The following AUTS2 variants were observed in gnomAD, a reference collection of about 807,000 sequenced individuals.
AUTS2 encodes activator of transcription and developmental regulator AUTS2.
In AUTS2, 17 loss-of-function variants were observed where a neutral mutation model predicts 112.4. That is an observed-to-expected ratio of 0.15 (90% CI 0.10 to 0.23). The LOEUF (loss-of-function observed/expected upper bound fraction) is 0.23, where lower values mean the gene tolerates loss of function less well. AUTS2 is among the 10% of genes least tolerant of loss of function. The pLI, the probability that AUTS2 is intolerant of heterozygous loss-of-function variation, is 1.00. For synonymous variants in AUTS2, 751 were observed against 702.7 expected, an observed-to-expected ratio of 1.07 and a Z score of -1.09; for missense variants, 1,510 against 1,701.6, an observed-to-expected ratio of 0.89 and a Z score of 1.98.
intron 2 of AUTS2, among the ~76,000 whole-genome samples, chr7:70,008,606 G>A (rs1000355235): frequency 4.6e-5 from 7 of 152,142 alleles, no homozygotes; most frequent in African/African-American, 1.7e-4. Context: ...AGCATCAGAA[G>A]GCCCATATCC....
intron 12 of AUTS2, chr7:70,774,327 G>T (rs1430863562): frequency 2.2e-5 from 12 of 540,706 alleles, no homozygotes; most frequent in Admixed American, 3.2e-5. Flanking sequence ...GGAGAAAAGA[G>T]GAATGAGTTA....
intron 4 of AUTS2, among the ~76,000 whole-genome samples, chr7:70,329,553 T>C (rs531253104): frequency 1.2e-4 from 18 of 152,022 alleles, no homozygotes; most frequent in African/African-American, 4.3e-4. Context: ...TCATGTTTTT[T>C]GGCCATTTTT....
chr7:69,917,703 C>A (rs1795639591), intron 2 of AUTS2, among the ~76,000 whole-genome samples: 1 of 152,174 alleles, frequency 6.6e-6, no homozygotes, highest in Non-Finnish European at 1.5e-5. Flanking sequence ...TTATACTACT[C>A]TGTATGCCTT....
intron 4 of AUTS2, among the ~76,000 whole-genome samples, chr7:70,193,356 G>C (rs1441178972): frequency 1.3e-5 from 2 of 152,148 alleles, no homozygotes; most frequent in Non-Finnish European, 2.9e-5. Context: ...AATGCAAATA[G>C]ATTTGTATCT....
At chr7:70,491,460 TTATATATACACATAATATATATGTTA>T (rs1562989940) in intron 5 of AUTS2, among the ~76,000 whole-genome samples, 2 of 125,300 alleles carry the variant, frequency 1.6e-5, no homozygotes, top group African/African-American at 6.5e-5. Context: ...AATATATATG[TTATATATACACATAATATATATGTTA>T]TATATACACA....
chr7:69,621,275 G>A (rs1027169496), intron 1 of AUTS2, among the ~76,000 whole-genome samples: 2 of 151,966 alleles, frequency 1.3e-5, no homozygotes, highest in Non-Finnish European at 2.9e-5. Context: ...TCCAGAACCC[G>A]ACTTGAACCA....
chr7:69,619,157 A>G (rs1793529850), intron 1 of AUTS2, among the ~76,000 whole-genome samples: 1 of 152,116 alleles, frequency 6.6e-6, no homozygotes, highest in Admixed American at 6.5e-5. Flanking sequence ...TTCTACTTTC[A>G]AGATTCTGGA....
chr7:70,238,664 G>GTT (rs5884776), intron 4 of AUTS2, among the ~76,000 whole-genome samples: 11,992 of 148,340 alleles, frequency 0.081, 604 homozygotes, highest in African/African-American at 0.13. Context: ...TATTATTAGT[G>GTT]TTTTTTTTTT....
chr7:70,315,769 C>G (rs541779747), intron 4 of AUTS2, among the ~76,000 whole-genome samples: 1 of 152,262 alleles, frequency 6.6e-6, no homozygotes, highest in East Asian at 1.9e-4. Context: ...CTATCCTAGC[C>G]CCTGGATTCT....
intron 5 of AUTS2, among the ~76,000 whole-genome samples, chr7:70,617,800 GT>G (rs1401842926): frequency 6.6e-6 from 1 of 152,190 alleles, no homozygotes; most frequent in Non-Finnish European, 1.5e-5. Flanking sequence ...TCATGGTTTT[GT>G]GAAATCTACT....
intron 6 of AUTS2, chr7:70,699,108 A>G (rs115440758): frequency 0.026 from 3,951 of 152,526 alleles, 201 homozygotes; most frequent in African/African-American, 0.088. Context: ...AATATGCACT[A>G]TCCCATTAAT....
intron 2 of AUTS2, among the ~76,000 whole-genome samples, chr7:69,982,798 T>G (rs1798351316): frequency 6.6e-6 from 1 of 152,194 alleles, no homozygotes; most frequent in Non-Finnish European, 1.5e-5. Context: ...GGGGTATAAT[T>G]TGGGCACTGT....
In AUTS2 at chr7:70,631,806, G is replaced by A. The variant is rs1241865617; in HGVS notation, c.691-66763G>A. Among the ~76,000 whole-genome samples the A allele has an allele frequency of 2.0e-5, 3 of 152,068 alleles. No homozygotes were observed. Among genetic ancestry groups the A allele is most frequent in the Admixed American group, 2.0e-4 (3 of 15,284 alleles). On this transcript the variant is annotated intron_variant, in intron 5 of 18. Transcript: ENST00000342771. The surrounding 1 kb of genome is among the most constrained non-coding windows in gnomAD (Gnocchi z 4.5). Reference sequence around the variant, plus strand: ...GCTGCTTGACAGCATCTCCAGCCCCGCGCCCGTGTGTGCTAACTTGCTAGG... The same window carrying A: ...GCTGCTTGACAGCATCTCCAGCCCCACGCCCGTGTGTGCTAACTTGCTAGG...
intron 4 of AUTS2, among the ~76,000 whole-genome samples, chr7:70,337,043 G>A (rs749520973): frequency 2.6e-5 from 4 of 152,136 alleles, no homozygotes; most frequent in Non-Finnish European, 4.4e-5. Context: ...CAGCAGACAC[G>A]TACAGGGTGG....
chr7:70,002,653 C>T (rs577219860), intron 2 of AUTS2, among the ~76,000 whole-genome samples: 27 of 152,194 alleles, frequency 1.8e-4, no homozygotes, highest in Non-Finnish European at 2.6e-4. Context: ...GATTTTTAGA[C>T]GACACTTACA....
chr7:70,753,402 C>T (rs1268156866), intron 6 of AUTS2, among the ~76,000 whole-genome samples: 1 of 152,164 alleles, frequency 6.6e-6, no homozygotes, highest in Non-Finnish European at 1.5e-5. Flanking sequence ...AATAGAATCT[C>T]TTCGAGCCCT....
intron 1 of AUTS2, among the ~76,000 whole-genome samples, chr7:69,813,522 G>T (rs1203435890): frequency 1.4e-4 from 21 of 152,142 alleles, no homozygotes; most frequent in Admixed American, 1.4e-3. Flanking sequence ...TCTAAGCCTA[G>T]GTTTCTCTAC....
intron 6 of AUTS2, among the ~76,000 whole-genome samples, chr7:70,742,549 G>A (rs1389642539): frequency 6.6e-6 from 1 of 152,118 alleles, no homozygotes; most frequent in African/African-American, 2.4e-5. Flanking sequence ...GATCACCTGA[G>A]GTCAGGAGTT....
chr7:70,507,215 C>T (rs1798999790), intron 5 of AUTS2, among the ~76,000 whole-genome samples: 1 of 152,166 alleles, frequency 6.6e-6, no homozygotes. Context: ...AACACAGAAT[C>T]AAGCCTTTAT....
Sources: allele counts gnomAD v4.1 joint callset (sites outside exome capture counted in the v4.1 genomes callset), GRCh38; gene constraint gnomAD v4.1.1; non-coding constraint Gnocchi (gnomAD v3.1); transcripts MANE v1.5; gene names NCBI Gene and HGNC (gene_info 2026-07-23, HGNC 2026-07-21).